Variants in DMD observed in about 807,000 individuals in gnomAD.
The protein encoded by DMD is dystrophin.
In DMD, 63 loss-of-function variants were observed where a neutral mutation model predicts 330.1. The observed-to-expected ratio is 0.19, with a 90% CI of 0.16 to 0.24. DMD has a LOEUF of 0.24. Among genes scored for constraint, DMD ranks in the 10% least tolerant of loss-of-function variants. The probability of loss-of-function intolerance (pLI) is 1.00; values close to 1 mark genes in which losing one functional copy is unlikely to be tolerated. For synonymous variants in DMD, 1,223 were observed against 959.8 expected (o/e 1.27, Z -5.07); for missense variants, 3,344 against 2,684.1 (o/e 1.25, Z -5.43).
intron 7 of DMD, among the ~76,000 whole-genome samples, chrX:32,758,614 A>C (rs1221255052): frequency 9.0e-6 from 1 of 111,704 alleles, no homozygotes; most frequent in African/African-American, 3.3e-5. Context: ...CTTAACTGTC[A>C]GTGGTCATAA....
intron 60 of DMD, among the ~76,000 whole-genome samples, chrX:31,384,652 C>T (rs1301095886): frequency 9.0e-6 from 1 of 111,664 alleles, no homozygotes; most frequent in Non-Finnish European, 1.9e-5. Context: ...CTATTGTTTC[C>T]TCTCCCTGTA....
chrX:32,737,837 T>C (rs1382039859), intron 7 of DMD, among the ~76,000 whole-genome samples: 2 of 111,709 alleles, frequency 1.8e-5, no homozygotes, highest in Non-Finnish European at 3.8e-5. Flanking sequence ...GTGAACAAAT[T>C]GATCTACTAC....
At chrX:32,075,554 GGTCT>G (rs1157511030) in intron 44 of DMD, among the ~76,000 whole-genome samples, 2 of 111,524 alleles carry the variant, frequency 1.8e-5, no homozygotes, top group Non-Finnish European at 3.8e-5. Flanking sequence ...TCTCCAACAA[GGTCT>G]TTCTTGTGAA....
chrX:33,163,738 G>A (rs1018009591), intron 1 of DMD, among the ~76,000 whole-genome samples: 1 of 107,802 alleles, frequency 9.3e-6, no homozygotes, highest in Admixed American at 1.0e-4. Context: ...TAGCTAAAAA[G>A]TCTTGTAGAG....
chrX:31,738,181 T>C (rs897217271), intron 51 of DMD, among the ~76,000 whole-genome samples: 1 of 111,439 alleles, frequency 9.0e-6, no homozygotes, highest in African/African-American at 3.3e-5. Flanking sequence ...AGTTAACAGA[T>C]ACCCATACGT....
intron 29 of DMD, among the ~76,000 whole-genome samples, chrX:32,430,603 T>C (rs1380429080): frequency 8.9e-6 from 1 of 111,782 alleles, no homozygotes; most frequent in African/African-American, 3.2e-5. Flanking sequence ...CTTAGCAAAG[T>C]TTAAGTAAAT....
At chrX:31,140,709 CTGTTCCATG>C (rs2035933793) in intron 76 of DMD, among the ~76,000 whole-genome samples, 1 of 112,189 alleles carries the variant, frequency 8.9e-6, no homozygotes, top group Non-Finnish European at 1.9e-5. Flanking sequence ...AACGTGTGGG[CTGTTCCATG>C]TGTACACAAG....
chrX:31,295,472 G>T (rs1036851963), intron 62 of DMD, among the ~76,000 whole-genome samples: 8 of 110,176 alleles, frequency 7.3e-5, no homozygotes, highest in African/African-American at 2.6e-4. Flanking sequence ...AGAGTGCAAT[G>T]GCATGATCTT....
intron 3 of DMD, among the ~76,000 whole-genome samples, chrX:32,846,931 C>T (rs2080736372): frequency 9.2e-6 from 1 of 109,002 alleles, no homozygotes; most frequent in African/African-American, 3.3e-5. Flanking sequence ...TGCTTGAACC[C>T]AGGAGGCAGA....
At chrX:32,194,293 C>A (rs1325098336) in intron 44 of DMD, among the ~76,000 whole-genome samples, 2 of 111,707 alleles carry the variant, frequency 1.8e-5, no homozygotes, top group Non-Finnish European at 3.8e-5. Context: ...GTATTCACCA[C>A]CTGAACAAAA....
At chrX:33,159,611 G>A (rs957184316) in intron 1 of DMD, 8 of 111,795 alleles carry the variant, frequency 7.2e-5, no homozygotes, top group African/African-American at 2.6e-4. Flanking sequence ...CAAAGGACAC[G>A]AACACATCTT....
intron 9 of DMD, among the ~76,000 whole-genome samples, chrX:32,661,445 A>C (rs1048638334): frequency 2.0e-4 from 22 of 111,575 alleles, no homozygotes; most frequent in Non-Finnish European, 4.2e-4. Context: ...AGAGCTAATA[A>C]AAAGCAGAGA....
At chrX:32,843,791 A>G (rs2080385346) in intron 4 of DMD, among the ~76,000 whole-genome samples, 1 of 111,886 alleles carries the variant, frequency 8.9e-6, no homozygotes, top group South Asian at 3.8e-4. Flanking sequence ...CTCCAATGCC[A>G]TGACACAGGG....
At chrX:33,041,266 C>G in intron 1 of DMD, 1 of 597,882 alleles carries the variant, frequency 1.7e-6, no homozygotes, top group East Asian at 3.6e-5. Flanking sequence ...ATTATAAAAA[C>G]TCCTTAAGTG....
At chrX:32,513,532 AAAG>A (rs2045554994) in intron 18 of DMD, among the ~76,000 whole-genome samples, 1 of 112,072 alleles carries the variant, frequency 8.9e-6, no homozygotes, top group Non-Finnish European at 1.9e-5. Context: ...TGAACCTGTC[AAAG>A]ATTGGACTTG....
At chrX:32,878,835 C>A (rs2083603983) in intron 2 of DMD, among the ~76,000 whole-genome samples, 1 of 107,201 alleles carries the variant, frequency 9.3e-6, no homozygotes, top group Non-Finnish European at 1.9e-5. Context: ...TGGAGAAACC[C>A]CATCTCTATT....
intron 38 of DMD, among the ~76,000 whole-genome samples, chrX:32,346,590 C>A (rs528191228): frequency 1.8e-5 from 2 of 111,308 alleles, no homozygotes; most frequent in African/African-American, 6.5e-5. Context: ...TGCTTCATTT[C>A]TGAAACCTAA....
intron 2 of DMD, among the ~76,000 whole-genome samples, chrX:32,988,731 T>C (rs1266863838): frequency 2.7e-5 from 3 of 112,144 alleles, no homozygotes; most frequent in Non-Finnish European, 5.6e-5. Context: ...AGAATTTTAA[T>C]CAATTGTGTA....
chrX:32,616,692 T>TTA, intron 11 of DMD, among the ~76,000 whole-genome samples: 1 of 79,223 alleles, frequency 1.3e-5, no homozygotes, highest in African/African-American at 7.5e-5. Context: ...TCTGGTTCCT[T>TTA]TTTTTTTTTT....
Sources: allele counts gnomAD v4.1 joint callset (sites outside exome capture counted in the v4.1 genomes callset), GRCh38; gene constraint gnomAD v4.1.1; transcripts MANE v1.5; gene names NCBI Gene and HGNC (gene_info 2026-07-23, HGNC 2026-07-21).